The following GDF1 variants were observed in gnomAD, a reference collection of about 807,000 sequenced individuals.
GDF1 encodes the protein growth differentiation factor 1, also known as embryonic growth/differentiation factor 1.
Under a neutral mutation model 7.4 loss-of-function variants are expected in GDF1, and 8 were observed. That is an observed-to-expected ratio of 1.09 (90% CI 0.64 to 1.96). GDF1 has a LOEUF of 1.96. Among genes scored for constraint, GDF1 ranks in the 30% most tolerant of loss-of-function variants. The pLI, the probability that GDF1 is intolerant of heterozygous loss-of-function variation, is 0.00. For missense variants in GDF1, 574 were observed against 551.5 expected (o/e 1.04, Z -0.41); for synonymous variants, 311 against 276.7 (o/e 1.12, Z -1.23).
At position 18,885,523 on chromosome 19, in the gene GDF1, T is replaced by TG. The variant is rs56777903; in HGVS notation, c.-913-1257_-913-1256insC. On this transcript the variant is annotated intron_variant, in intron 2 of 7. Transcript: ENST00000247005. ...AGCGCCCCTTCTCGTTTTTTTTTTT[T>TG]TTTTTTTTTTTTTTGAGATGGAGTC... Among the ~76,000 whole-genome samples, 281 of 72,514 alleles carry TG rather than the reference T, an allele frequency of 3.9e-3. 8 individuals are homozygous for TG. Among genetic ancestry groups the TG allele is most frequent in the South Asian group, 8.3e-3 (20 of 2,422 alleles). The allele number at this position is 72,514 out of a possible 152,430, so 47.6% of individuals were successfully genotyped here.
chr19:18,880,135 T>C (rs973381893), intron 4 of GDF1, 139 bp downstream of exon 4: 3 of 612,756 alleles, frequency 4.9e-6, no homozygotes, highest in Admixed American at 3.4e-5. Flanking sequence ...ACCCAAATCA[T>C]GAGGCCCCTC....
chr19:18,880,082 C>T (rs1216867751), intron 4 of GDF1, among the ~76,000 whole-genome samples, 192 bp downstream of exon 4: 1 of 151,670 alleles, frequency 6.6e-6, no homozygotes, highest in African/African-American at 2.4e-5. Context: ...TGGCCCCACC[C>T]TTGTCCTACT....
At chr19:18,892,405 G>A (rs886258408) in intron 2 of GDF1, among the ~76,000 whole-genome samples, 1 of 151,856 alleles carries the variant, frequency 6.6e-6, no homozygotes, top group Non-Finnish European at 1.5e-5. Context: ...ATGAGATCAG[G>A]AGATTGAGAC....
At chr19:18,879,722 T>C (rs1601163822) in intron 4 of GDF1, among the ~76,000 whole-genome samples, 13 of 19,052 alleles carry the variant, frequency 6.8e-4, no homozygotes, top group Admixed American at 1.3e-3. Context: ...GCCCAGTCCC[T>C]CCCCTTTCCT....
intron 6 of GDF1, among the ~76,000 whole-genome samples, chr19:18,874,582 C>T (rs575446143): frequency 6.6e-5 from 10 of 152,326 alleles, no homozygotes; most frequent in African/African-American, 9.6e-5. Flanking sequence ...AGTGTCTCAA[C>T]GGATGGCCGG....
At position 18,868,636 on chromosome 19, in the gene GDF1, C is replaced by G. The variant is rs868686446; in HGVS notation, c.1080G>C (p.Gln360His). Residue 360 changes from glutamine (Q) to histidine (H), a missense_variant, in exon 8 of 8, where the codon CAG becomes CAC. By Grantham distance (24) the Gln-to-His change is conservative (BLOSUM62 0). Transcript: ENST00000247005. ...ACTCGTCCACCACCATGTCCTCATACTGCCGCAGCACCACGTTGTCGCTGT... is the reference window on the plus strand; with the variant it reads ...ACTCGTCCACCACCATGTCCTCATAGTGCCGCAGCACCACGTTGTCGCTGT... ...FDNSDNVVLRQYEDMVVDECG... is the reference protein window; with the variant it reads ...FDNSDNVVLRHYEDMVVDECG... 6.4e-7 allele frequency: 1 copy of G among 1,574,360 alleles called. No homozygotes were observed. The highest frequency in any genetic ancestry group is 8.6e-7 in the Non-Finnish European group (1 of 1,160,108).
intron 2 of GDF1, among the ~76,000 whole-genome samples, chr19:18,888,419 G>A (rs1486101118): frequency 2.0e-5 from 3 of 150,092 alleles, no homozygotes; most frequent in Non-Finnish European, 4.4e-5. Flanking sequence ...TCATGAGGCT[G>A]AGGCAGGAGA....
chr19:18,895,780 C>A lies in GDF1; in HGVS notation c.-1074+44G>T. 9.0e-7 allele frequency: 1 copy of A among 1,107,834 alleles called. No homozygotes were observed. The highest frequency in any genetic ancestry group is 1.1e-6 in the Non-Finnish European group (1 of 881,946). The allele number at this position is 1,107,834 out of a possible 1,614,324, so 68.6% of individuals were successfully genotyped here. ...GCCCCAGGTCCCCGGTCCCGGCTTCCCCCAGTCCGGGGTCCCCTCGTCCCG... is the reference window on the plus strand; with the variant it reads ...GCCCCAGGTCCCCGGTCCCGGCTTCACCCAGTCCGGGGTCCCCTCGTCCCG... On this transcript the variant is annotated intron_variant, in intron 1 of 7. Coordinates refer to ENST00000247005, the MANE Select transcript of GDF1 (RefSeq NM_001492.6). The surrounding 1 kb of genome is among the most constrained non-coding windows in gnomAD (Gnocchi z 6.4).
intron 2 of GDF1, among the ~76,000 whole-genome samples, chr19:18,888,066 A>G (rs533060068): frequency 7.2e-5 from 11 of 152,320 alleles, no homozygotes; most frequent in African/African-American, 2.4e-4. Context: ...TTTTACCTCA[A>G]TAAGAAATGG....
intron 2 of GDF1, among the ~76,000 whole-genome samples, chr19:18,887,317 T>C (rs542507717): frequency 9.9e-5 from 15 of 152,060 alleles, no homozygotes; most frequent in South Asian, 6.2e-4. Flanking sequence ...TCTACAGAGA[T>C]AGGAAGTAGA....
Position 18,878,718 on chromosome 19 carries a change from A to C in GDF1, c.-313+212T>G. 1 of 1,365,092 alleles carries C rather than the reference A, an allele frequency of 7.3e-7. No homozygotes were observed. The highest frequency in any genetic ancestry group is 9.5e-7 in the Non-Finnish European group (1 of 1,056,062). The allele number at this position is 1,365,092 out of a possible 1,614,324, so 84.6% of individuals were successfully genotyped here. A position where few individuals can be genotyped will look rare whatever the true frequency, so the allele number is the denominator to read the frequency against. ...CCTGTCGCCCTGCCTGCCCCTCCCC[A>C]GCCTCTCCCTCCCCTTCCTCACTGT... On this transcript the variant is annotated intron_variant, in intron 6 of 7. Transcript: ENST00000247005. The surrounding 1 kb of genome is among the most constrained non-coding windows in gnomAD (Gnocchi z 4.6).
chr19:18,895,210 A>G lies in GDF1; in HGVS notation c.-1074+614T>C, dbSNP rs968110354. ...TCGGAGGGTGGCGCTGACCCCAGAT[A>G]GGCACAAGGCAGCGACCGGGCAGCT... is the stretch of plus-strand genomic sequence containing the variant. On this transcript the variant is annotated intron_variant, in intron 1 of 7. Transcript: ENST00000247005. The surrounding 1 kb of genome is among the most constrained non-coding windows in gnomAD (Gnocchi z 6.4). Among the ~76,000 whole-genome samples, 1 of 152,210 alleles carries G rather than the reference A, an allele frequency of 6.6e-6. No individual in the cohort carries two copies. Among genetic ancestry groups the G allele is most frequent in the Non-Finnish European group, 1.5e-5 (1 of 68,034 alleles).
chr19:18,872,282 CT>C (rs1024204661), intron 6 of GDF1, among the ~76,000 whole-genome samples: 1 of 152,204 alleles, frequency 6.6e-6, no homozygotes, highest in African/African-American at 2.4e-5. Flanking sequence ...CAGTATTTGC[CT>C]TTTGAGGTGT....
chr19:18,872,714 CCA>C (rs2055996409), intron 6 of GDF1, among the ~76,000 whole-genome samples: 3 of 62,776 alleles, frequency 4.8e-5, no homozygotes, highest in African/African-American at 1.9e-4. Flanking sequence ...TGCGGTTTTA[CCA>C]TGTTGGCCAG....
rs1182876067 is a variant in GDF1, at chr19:18,879,231, G to A, written c.-423+10C>T. 1 of 1,613,402 alleles carries A rather than the reference G, an allele frequency of 6.2e-7. No individual in the cohort carries two copies. Among genetic ancestry groups the A allele is most frequent in the Non-Finnish European group, 8.5e-7 (1 of 1,179,728 alleles). On this transcript the variant is annotated intron_variant, in intron 5 of 7. Coordinates refer to ENST00000247005, the MANE Select transcript of GDF1 (RefSeq NM_001492.6). ...ACCGCCACTGTGGAGGAGAGCCGGG[G>A]CCGACTCACCAGGAACCAGTAGAGG...
In GDF1 at chr19:18,870,436, G is replaced by T; in HGVS notation, c.-129C>A. On this transcript the variant is annotated 5_prime_UTR_variant, in exon 7 of 8. Coordinates refer to ENST00000247005, the MANE Select transcript of GDF1 (RefSeq NM_001492.6). This position sits in a 1 kb window ranked among gnomAD's most constrained non-coding sequence, Gnocchi z 5.1. Reference sequence around the variant, plus strand: ...GGGCGTGGCCGGGAACTGGAGGCAGGATGAGGGGGCGGGGTCCCAGGGGAG... The same window carrying T: ...GGGCGTGGCCGGGAACTGGAGGCAGTATGAGGGGGCGGGGTCCCAGGGGAG... 1 of 942,644 alleles carries T rather than the reference G, an allele frequency of 1.1e-6. No individual in the cohort carries two copies. The highest frequency in any genetic ancestry group is 1.6e-6 in the Non-Finnish European group (1 of 624,496). 58.4% of individuals were successfully genotyped at this position (942,644 alleles called of 1,614,324 possible).
rs200704119 is a variant in GDF1, at chr19:18,886,320, C to T, written c.-913-2053G>A. On this transcript the variant is annotated intron_variant, in intron 2 of 7. Transcript: ENST00000247005. The stretch of plus-strand genomic sequence containing the variant: ...ATCCCAGCACTTTGGGAGGCCGAGG[C>T]GGGCGGATCACAAGGTCAGGAGATC... 4.3e-3 allele frequency among the ~76,000 whole-genome samples: 657 copies of T among 152,206 alleles called. 4 individuals are homozygous for T. Among genetic ancestry groups the T allele is most frequent in the Non-Finnish European group, 8.3e-3 (564 of 68,010 alleles).
At chr19:18,871,519 G>A (rs1169089296) in intron 6 of GDF1, among the ~76,000 whole-genome samples, 1 of 152,156 alleles carries the variant, frequency 6.6e-6, no homozygotes, top group Non-Finnish European at 1.5e-5. Flanking sequence ...ACCGTGCCTG[G>A]CCCCAGCTAA....
intron 3 of GDF1, among the ~76,000 whole-genome samples, chr19:18,883,565 G>A (rs961774762): frequency 1.3e-5 from 2 of 152,134 alleles, no homozygotes; most frequent in African/African-American, 4.8e-5. Flanking sequence ...TAAAAGGGTG[G>A]ATAAGATATT....
Sources: allele counts gnomAD v4.1 joint callset (sites outside exome capture counted in the v4.1 genomes callset), GRCh38; gene constraint gnomAD v4.1.1; non-coding constraint Gnocchi (gnomAD v3.1); transcripts MANE v1.5; gene names NCBI Gene and HGNC (gene_info 2026-07-23, HGNC 2026-07-21).